The following GARS1 variants were observed in gnomAD, a reference collection of about 807,000 sequenced individuals.
GARS1 encodes glycyl-tRNA synthetase 1, also known as glycine--tRNA ligase.
A neutral mutation model predicts 86.4 loss-of-function variants in GARS1; 46 were observed. That is an observed-to-expected ratio of 0.53 (90% CI 0.42 to 0.68). The LOEUF is 0.68. GARS1 is among the 30% of genes least tolerant of loss of function. GARS1 has a pLI of 0.00. For missense variants in GARS1, 797 were observed against 915.6 expected, an observed-to-expected ratio of 0.87 and a Z score of 1.67; for synonymous variants, 342 against 329.8, an observed-to-expected ratio of 1.04 and a Z score of -0.40.
chr7:30,633,942 C>T lies in GARS1; in HGVS notation c.*82C>T. 6.5e-7 allele frequency: 1 copy of T among 1,530,098 alleles called. No homozygotes were observed. Among genetic ancestry groups the T allele is most frequent in the Non-Finnish European group, 8.9e-7 (1 of 1,125,238 alleles). The allele number at this position is 1,530,098 out of a possible 1,614,324, so 94.8% of individuals were successfully genotyped here. A position where few individuals can be genotyped will look rare whatever the true frequency, so the allele number is the denominator to read the frequency against. ...CTTATGTCCACTTTACAAAAGAAAA[C>T]AGCATTGTGATTACTCCCAGGGACC... On this transcript the variant is annotated 3_prime_UTR_variant, in exon 17 of 17. Transcript: ENST00000389266.
At chr7:30,601,290 T>TTA in intron 4 of GARS1, 90 bp downstream of exon 4, 1 of 1,186,268 alleles carries the variant, frequency 8.4e-7, no homozygotes. Context: ...AACTTCCTGA[T>TTA]TATAAAGAAC....
rs572800135 is a variant in GARS1, at chr7:30,622,815, A to C, written c.1613+353A>C. Reference sequence around the variant, plus strand: ...GTTTAAGCATGAATATAAACAATAGAGAAGGCCGGGCACAGTGGCTCATGG... The same window carrying C: ...GTTTAAGCATGAATATAAACAATAGCGAAGGCCGGGCACAGTGGCTCATGG... On this transcript the variant is annotated intron_variant, in intron 12 of 16. Transcript: ENST00000389266. 4.5e-5 allele frequency: 14 copies of C among 311,876 alleles called. No individual in the cohort carries two copies. The East Asian group carries it at 1.0e-3, about 22-fold the overall frequency. 19.3% of individuals were successfully genotyped at this position (311,876 alleles called of 1,614,324 possible).
chr7:30,617,383 AAG>A, intron 10 of GARS1, 105 bp downstream of exon 10: 1 of 1,326,652 alleles, frequency 7.5e-7, no homozygotes. Flanking sequence ...ACAAAGGGAA[AAG>A]AAAAGAGATC....
intron 10 of GARS1, among the ~76,000 whole-genome samples, chr7:30,618,313 A>G (rs1413823415): frequency 6.6e-6 from 1 of 152,088 alleles, no homozygotes; most frequent in Non-Finnish European, 1.5e-5. Context: ...GTTGTTTTTT[A>G]CAGCTTGTAA....
At chr7:30,618,177 T>C (rs1782928696) in intron 10 of GARS1, among the ~76,000 whole-genome samples, 1 of 152,172 alleles carries the variant, frequency 6.6e-6, no homozygotes, top group African/African-American at 2.4e-5. Flanking sequence ...ATGTAGAAAA[T>C]TAAACTTCCA....
chr7:30,628,085 T>C (rs1562782524), intron 13 of GARS1, among the ~76,000 whole-genome samples: 1 of 152,150 alleles, frequency 6.6e-6, no homozygotes, highest in African/African-American at 2.4e-5. Flanking sequence ...TATCAGCAAA[T>C]AGTTTTTAGG....
In GARS1 at chr7:30,595,137, C is replaced by T. The variant is rs769658988; in HGVS notation, c.216C>T (p.Arg72=). 3.9e-6 allele frequency: 6 copies of T among 1,537,322 alleles called. No homozygotes were observed. The highest frequency in any genetic ancestry group is 5.2e-6 in the Non-Finnish European group (6 of 1,146,926). Residue 72 remains arginine, a synonymous_variant, in exon 1 of 17, where the codon CGC becomes CGT. Transcript: ENST00000389266. The part of the protein sequence containing the change: ...EVLAPLRLAV[R]QQGDLVRKLK... ...TGGCACCTCTGAGGCTAGCAGTGCG[C>T]CAGCAGGTACCGGTGTTTTGCGCTC...
intron 5 of GARS1, 62 bp downstream of exon 5, chr7:30,603,184 A>T: frequency 7.3e-7 from 1 of 1,378,704 alleles, no homozygotes; most frequent in Non-Finnish European, 1.0e-6. Context: ...ACTTTCTCTC[A>T]GATGTCTTTC....
intron 13 of GARS1, among the ~76,000 whole-genome samples, chr7:30,627,460 G>A (rs1296921650): frequency 2.0e-5 from 3 of 152,194 alleles, no homozygotes; most frequent in African/African-American, 4.8e-5. Context: ...CCATATGTGT[G>A]TGAGTTTTGG....
At chr7:30,628,817 T>C (rs1445714935) in intron 14 of GARS1, 148 bp downstream of exon 14, 3 of 577,136 alleles carry the variant, frequency 5.2e-6, no homozygotes, top group African/African-American at 3.8e-5. Context: ...TGCTTAAGTA[T>C]GTATAGACAA....
Position 30,633,898 on chromosome 7 carries a change from A to AT in GARS1, c.*38_*39insT, listed in dbSNP as rs1783287025. ...CAACTTTTGACCACTTGCGCTAATA[A>AT]AAAAAAAAAAAAACTACTCTTATGT... On this transcript the variant is annotated 3_prime_UTR_variant, in exon 17 of 17. Transcript: ENST00000389266. 1.7e-6 allele frequency: 1 copy of AT among 582,072 alleles called. No individual in the cohort carries two copies. Among genetic ancestry groups the AT allele is most frequent in the Non-Finnish European group, 2.3e-6 (1 of 440,174 alleles). The allele number at this position is 582,072 out of a possible 1,614,324, so 36.1% of individuals were successfully genotyped here.
At chr7:30,618,684 T>G (rs1782937228) in intron 10 of GARS1, among the ~76,000 whole-genome samples, 1 of 152,200 alleles carries the variant, frequency 6.6e-6, no homozygotes, top group Non-Finnish European at 1.5e-5. Context: ...CTTGGGTATG[T>G]CTGCCTTCTC....
chr7:30,616,191 G>A, intron 9 of GARS1, 133 bp downstream of exon 9: 2 of 933,570 alleles, frequency 2.1e-6, no homozygotes, highest in African/African-American at 1.6e-5. Context: ...ACTTGGTTTT[G>A]TACAGAATTT....
At chr7:30,598,377 CTTTT>C (rs1174085518) in intron 1 of GARS1, among the ~76,000 whole-genome samples, 3 of 99,608 alleles carry the variant, frequency 3.0e-5, no homozygotes, top group East Asian at 3.0e-4. Context: ...TTGCATCATT[CTTTT>C]TTTTTTTTTT....
At position 30,621,471 on chromosome 7, in the gene GARS1, C is replaced by A; in HGVS notation, c.1438C>A (p.Leu480Ile). ...TCATGCACGAGCCACCAAAGTCCCA[C>A]TTGTAGCTGAGAAACCTCTGAAAGA... ...SCHARATKVP[L>I]VAEKPLKEPK... is the part of the protein sequence containing the mutation. The change falls in exon 11 of 17, where the codon CTT (leucine) becomes ATT (isoleucine). Residue 480 changes from leucine to isoleucine, a missense_variant. Physicochemically the swap from Leu to Ile is conservative, Grantham distance 5. Coordinates refer to ENST00000389266, the MANE Select transcript of GARS1 (RefSeq NM_002047.4). 1 of 1,614,176 alleles carries A rather than the reference C, an allele frequency of 6.2e-7. No individual in the cohort carries two copies. Among genetic ancestry groups the A allele is most frequent in the East Asian group, 2.2e-5 (1 of 44,888 alleles).
intron 1 of GARS1, 142 bp downstream of exon 1, chr7:30,595,285 C>A: frequency 1.2e-6 from 1 of 855,402 alleles, no homozygotes; most frequent in South Asian, 1.5e-5. Context: ...GTCTTCTTCG[C>A]CTCCCCCACT....
At position 30,603,676 on chromosome 7, in the gene GARS1, T is replaced by C. The variant is rs1378551742; in HGVS notation, c.735+104T>C. On this transcript the variant is annotated intron_variant, in intron 6 of 16. Coordinates refer to ENST00000389266, the MANE Select transcript of GARS1 (RefSeq NM_002047.4). The stretch of plus-strand genomic sequence containing the variant: ...CCCATTATGCTGACCCTGGCCACAT[T>C]GTAATGAAGCAGAGGTTAATTCTGT... 1.6e-5 allele frequency: 13 copies of C among 830,082 alleles called. No homozygotes were observed. In the Admixed American group the frequency reaches 2.3e-4, roughly 15 times the overall value. The allele number at this position is 830,082 out of a possible 1,614,324, so 51.4% of individuals were successfully genotyped here.
In GARS1 at chr7:30,626,369, T is replaced by C; in HGVS notation, c.1699+50T>C. On this transcript the variant is annotated intron_variant, in intron 13 of 16. Coordinates refer to ENST00000389266, the MANE Select transcript of GARS1 (RefSeq NM_002047.4). ...AAAAGTCACTGCTCCTTAAAGCTTT[T>C]GTTGTTGTTTGAGACAGGGTCTTGC... is the stretch of plus-strand genomic sequence containing the variant. 2.6e-6 allele frequency: 3 copies of C among 1,143,632 alleles called. No individual in the cohort carries two copies. The South Asian group carries it at 3.8e-5, about 15-fold the overall frequency. 70.8% of individuals were successfully genotyped at this position (1,143,632 alleles called of 1,614,324 possible).
At chr7:30,614,624 C>T (rs1488506069) in intron 8 of GARS1, among the ~76,000 whole-genome samples, 1 of 152,116 alleles carries the variant, frequency 6.6e-6, no homozygotes, top group Admixed American at 6.6e-5. Context: ...GCCTGTAATC[C>T]CAGCACTTTG....
Sources: allele counts gnomAD v4.1 joint callset (sites outside exome capture counted in the v4.1 genomes callset), GRCh38; gene constraint gnomAD v4.1.1; transcripts MANE v1.5; gene names NCBI Gene and HGNC (gene_info 2026-07-23, HGNC 2026-07-21).